Variants in ADGRL2 observed in about 807,000 individuals in gnomAD.
ADGRL2 encodes the protein adhesion G protein-coupled receptor L2, also known as calcium-independent alpha-latrotoxin receptor 2.
A neutral mutation model predicts 157.4 loss-of-function variants in ADGRL2; 44 were observed. The observed-to-expected ratio is 0.28, with a 90% CI of 0.22 to 0.36. The LOEUF is 0.36. ADGRL2 is among the 10% of genes least tolerant of loss of function. The pLI is 1.00. For synonymous variants in ADGRL2, 585 were observed against 624.7 expected, an observed-to-expected ratio of 0.94 and a Z score of 0.95; for missense variants, 1,510 against 1,768.9, an observed-to-expected ratio of 0.85 and a Z score of 2.63.
At chr1:81,439,094 T>C (rs1455745520) in intron 1 of ADGRL2, among the ~76,000 whole-genome samples, 1 of 152,202 alleles carries the variant, frequency 6.6e-6, no homozygotes, top group African/African-American at 2.4e-5. Flanking sequence ...AAAAATTATA[T>C]TGCACATAGT....
intron 1 of ADGRL2, among the ~76,000 whole-genome samples, chr1:81,359,881 C>T (rs537187968): frequency 1.3e-5 from 2 of 152,090 alleles, no homozygotes; most frequent in South Asian, 2.1e-4. Flanking sequence ...ATCCTTCCCA[C>T]ATCCAATCCA....
intron 1 of ADGRL2, among the ~76,000 whole-genome samples, chr1:81,706,654 A>G (rs79267252): frequency 0.066 from 10,126 of 152,272 alleles, 484 homozygotes; most frequent in South Asian, 0.12. Flanking sequence ...TTTAGATCAC[A>G]TACACATAGA....
At chr1:81,679,645 A>G (rs185196191) in intron 3 of ADGRL2, among the ~76,000 whole-genome samples, 3 of 152,304 alleles carry the variant, frequency 2.0e-5, no homozygotes, top group East Asian at 3.9e-4. Context: ...AACCTTTGCT[A>G]TACTAGGTTT....
At position 81,979,934 on chromosome 1, in the gene ADGRL2, A is replaced by G; in HGVS notation, c.3087A>G (p.Pro1029=). ...TGAAGCATTCAAACACTTTGAAACC[A>G]GATTCTAGCAGGTTGGAAAACATTA... The part of the protein sequence containing the change: ...KMVKHSNTLK[P]DSSRLENIKS... The change falls in exon 18 of 24, where the codon CCA becomes CCG. Residue 1029 remains proline (P), a synonymous_variant. Coordinates refer to ENST00000686636, the MANE Select transcript of ADGRL2 (RefSeq NM_001366006.2). 2 of 1,603,592 alleles carry G rather than the reference A, an allele frequency of 1.2e-6. No homozygotes were observed. Among genetic ancestry groups the G allele is most frequent in the Non-Finnish European group, 1.7e-6 (2 of 1,171,658 alleles).
intron 1 of ADGRL2, among the ~76,000 whole-genome samples, chr1:81,340,287 CT>C (rs1051411153): frequency 3.9e-5 from 6 of 152,026 alleles, no homozygotes. Flanking sequence ...CTTTGTATGC[CT>C]TTTCAATGTG....
chr1:81,519,596 T>C (rs72946991), intron 2 of ADGRL2, among the ~76,000 whole-genome samples: 1,972 of 152,306 alleles, frequency 0.013, 37 homozygotes, highest in African/African-American at 0.045. Context: ...AATGAAATAA[T>C]GATGATGATA....
At chr1:81,511,420 A>G (rs2148087870) in intron 2 of ADGRL2, among the ~76,000 whole-genome samples, 1 of 150,826 alleles carries the variant, frequency 6.6e-6, no homozygotes, top group Non-Finnish European at 1.5e-5. Context: ...ACACACACAC[A>G]CACACATAGA....
intron 3 of ADGRL2, among the ~76,000 whole-genome samples, chr1:81,616,924 C>T (rs1238606405): frequency 6.6e-6 from 1 of 152,132 alleles, no homozygotes; most frequent in South Asian, 2.1e-4. Context: ...GCAATCTGCC[C>T]ACCTTGGCCT....
chr1:81,626,612 G>A (rs963435454), intron 3 of ADGRL2, among the ~76,000 whole-genome samples: 2 of 152,232 alleles, frequency 1.3e-5, no homozygotes, highest in African/African-American at 4.8e-5. Context: ...AACAGGACAA[G>A]TGGTATCCTC....
chr1:81,492,503 A>T (rs1160117468), intron 2 of ADGRL2, among the ~76,000 whole-genome samples: 2 of 152,338 alleles, frequency 1.3e-5, no homozygotes, highest in South Asian at 4.1e-4. Context: ...AATAAAAAAG[A>T]AATGCTTAGA....
At position 81,631,625 on chromosome 1, in the gene ADGRL2, G is replaced by C. The variant is rs78746309; in HGVS notation, c.-143+50645G>C. Among the ~76,000 whole-genome samples, 880 of 152,262 alleles carry C rather than the reference G, an allele frequency of 5.8e-3. 12 individuals are homozygous for C. Among genetic ancestry groups the C allele is most frequent in the African/African-American group, 0.02 (843 of 41,546 alleles). On this transcript the variant is annotated intron_variant, in intron 3 of 24. Transcript: ENST00000370721. ...AGATACTCTGACTTTTCTGGTATGAGGTGCAATGGATCATGGAGAGTTTTA... is the reference window on the plus strand; with the variant it reads ...AGATACTCTGACTTTTCTGGTATGACGTGCAATGGATCATGGAGAGTTTTA...
At chr1:81,886,865 C>T (rs911906703) in intron 2 of ADGRL2, among the ~76,000 whole-genome samples, 6 of 151,988 alleles carry the variant, frequency 3.9e-5, no homozygotes, top group Non-Finnish European at 5.9e-5. Context: ...CCTCAGGATT[C>T]TATATATAAT....
chr1:81,533,133 C>T (rs1375440708), intron 2 of ADGRL2, among the ~76,000 whole-genome samples: 3 of 152,070 alleles, frequency 2.0e-5, no homozygotes, highest in East Asian at 1.9e-4. Flanking sequence ...AATCCCAGAA[C>T]TTTGGGAGGC....
chr1:81,319,584 CA>C (rs1254594027), intron 1 of ADGRL2, among the ~76,000 whole-genome samples: 1 of 152,140 alleles, frequency 6.6e-6, no homozygotes, highest in Non-Finnish European at 1.5e-5. Flanking sequence ...CGGGGCTCAA[CA>C]AATGTTTTCT....
intron 2 of ADGRL2, among the ~76,000 whole-genome samples, chr1:81,467,500 T>C (rs1399493421): frequency 6.6e-6 from 1 of 152,180 alleles, no homozygotes; most frequent in African/African-American, 2.4e-5. Context: ...AGCTAATGAA[T>C]ATAAGTTACC....
At position 81,432,831 on chromosome 1, in the gene ADGRL2, G is replaced by A. The variant is rs571520358; in HGVS notation, c.-301-12205G>A. Among the ~76,000 whole-genome samples, 174 of 152,222 alleles carry A rather than the reference G, an allele frequency of 1.1e-3. 5 individuals are homozygous for A. Among genetic ancestry groups the A allele is most frequent in the Non-Finnish European group, 9.7e-4 (66 of 68,022 alleles). ...TCCCTTGGAAGGCTTGGGGCGGCAT[G>A]GGGAATGTGCAGCATCTATAAACGT... On this transcript the variant is annotated intron_variant, in intron 1 of 24. Transcript: ENST00000370721.
At chr1:81,771,766 G>A (rs779737898) in intron 2 of ADGRL2, among the ~76,000 whole-genome samples, 16 of 151,896 alleles carry the variant, frequency 1.1e-4, no homozygotes, top group Non-Finnish European at 1.8e-4. Context: ...AGGAGTATAC[G>A]CCCACAGTTA....
intron 1 of ADGRL2, among the ~76,000 whole-genome samples, chr1:81,308,377 TA>T: frequency 6.6e-6 from 1 of 152,238 alleles, no homozygotes; most frequent in Middle Eastern, 3.4e-3. Flanking sequence ...ATTTCATATT[TA>T]AAACGAGTTT....
intron 2 of ADGRL2, among the ~76,000 whole-genome samples, chr1:81,770,724 C>T (rs1194588013): frequency 1.3e-5 from 2 of 148,372 alleles, no homozygotes; most frequent in African/African-American, 2.5e-5. Context: ...CCACCCGCCT[C>T]GGCCTCCCAA....
Sources: allele counts gnomAD v4.1 joint callset (sites outside exome capture counted in the v4.1 genomes callset), GRCh38; gene constraint gnomAD v4.1.1; transcripts MANE v1.5; gene names NCBI Gene and HGNC (gene_info 2026-07-23, HGNC 2026-07-21).